MMEL1: variants seen among roughly 807,000 people sequenced by gnomAD.
The protein encoded by MMEL1 is membrane metalloendopeptidase like 1, also known as membrane metallo-endopeptidase-like 1.
MMEL1 carries 98 observed loss-of-function variants against 117.1 expected under a neutral mutation model. The observed-to-expected ratio is 0.84, with a 90% confidence interval of 0.71 to 0.99. The LOEUF (loss-of-function observed/expected upper bound fraction) is 0.99, where lower values mean the gene tolerates loss of function less well. MMEL1 is among the 50% of genes least tolerant of loss of function. The probability of loss-of-function intolerance (pLI) is 0.00; values close to 1 mark genes in which losing one functional copy is unlikely to be tolerated. For synonymous variants in MMEL1, 390 were observed against 415.1 expected, an observed-to-expected ratio of 0.94 and a Z score of 0.74; for missense variants, 1,014 against 1,049.1, an observed-to-expected ratio of 0.97 and a Z score of 0.46.
rs769014482 is a variant in MMEL1, at chr1:2,592,025, G to T, written c.2070C>A (p.Ala690=). The change falls in exon 22 of 24, where the codon GCC becomes GCA. Residue 690 remains alanine, a splice_region_variant and synonymous_variant. Coordinates refer to ENST00000378412, the MANE Select transcript of MMEL1 (RefSeq NM_033467.4). ...CACCCTCTGCCATCCACTTGAGGTA[G>T]GCCTGCAGGCACCAGACAGGAGCTG... is the stretch of plus-strand genomic sequence containing the variant. The part of the protein sequence containing the change: ...DNGGVRQAYK[A]YLKWMAEGGK... 5.0e-6 allele frequency: 8 copies of T among 1,612,840 alleles called. No individual in the cohort carries two copies. In the East Asian group the frequency reaches 1.6e-4, roughly 31 times the overall value.
At position 2,593,815 on chromosome 1, in the gene MMEL1, A is replaced by G. The variant is rs1445061283; in HGVS notation, c.1866T>C (p.Asn622=). The change falls in exon 19 of 24, where the codon AAT becomes AAC. Residue 622 remains asparagine (N), a splice_region_variant and synonymous_variant. Coordinates refer to ENST00000378412, the MANE Select transcript of MMEL1 (RefSeq NM_033467.4). Reference sequence around the variant, plus strand: ...GTGATTGGAGGGGCGGCCGCTCACCATTGTCGTCAAAGCCGTGCGTGATCT... The same window carrying G: ...GTGATTGGAGGGGCGGCCGCTCACCGTTGTCGTCAAAGCCGTGCGTGATCT... ...GHEITHGFDD[N]GRNFDKNGNM... 7.5e-6 allele frequency: 12 copies of G among 1,601,352 alleles called. No individual in the cohort carries two copies. The highest frequency in any genetic ancestry group is 1.7e-5 in the Admixed American group (1 of 58,908).
Position 2,612,515 on chromosome 1 carries a change from G to T in MMEL1, c.155-311C>A, listed in dbSNP as rs1557546987. On this transcript the variant is annotated intron_variant, in intron 2 of 23. Transcript: ENST00000378412. This position sits in a 1 kb window ranked among gnomAD's most constrained non-coding sequence, Gnocchi z 5.4. The stretch of plus-strand genomic sequence containing the variant: ...TGCCAGGGCCTAGAGGGGTCCTGAG[G>T]TGAGACCTTCCTCTTCCCGACAGCC... Among the ~76,000 whole-genome samples, 2 of 152,148 alleles carry T rather than the reference G, an allele frequency of 1.3e-5. No individual in the cohort carries two copies. Among genetic ancestry groups the T allele is most frequent in the Non-Finnish European group, 2.9e-5 (2 of 68,008 alleles).
rs913167640 is a variant in MMEL1 at position 2,612,041 on chromosome 1, C to T, written c.232+86G>A. On this transcript the variant is annotated intron_variant, in intron 3 of 23. Coordinates refer to ENST00000378412, the MANE Select transcript of MMEL1 (RefSeq NM_033467.4). This position sits in a 1 kb window ranked among gnomAD's most constrained non-coding sequence, Gnocchi z 5.4. ...CACATGAGGGTTGGGCAGAACCCAG[C>T]CCCTGCCCCTCCACGGAGTCCCCCC... 3 of 1,183,238 alleles carry T rather than the reference C, an allele frequency of 2.5e-6. No homozygotes were observed. Among genetic ancestry groups the T allele is most frequent in the Admixed American group, 2.0e-5 (1 of 49,920 alleles). The allele number at this position is 1,183,238 out of a possible 1,614,324, so 73.3% of individuals were successfully genotyped here. A position where few individuals can be genotyped will look rare whatever the true frequency, so the allele number is the denominator to read the frequency against.
Position 2,593,940 on chromosome 1 carries a change from C to T in MMEL1, c.1748-7G>A. On this transcript the variant is annotated splice_polypyrimidine_tract_variant and splice_region_variant and intron_variant, in intron 18 of 23. Transcript: ENST00000378412. The stretch of plus-strand genomic sequence containing the variant: ...AGGATCCCGGCAGGGAATACTGTCC[C>T]CAAGGGCGGGACAAAGAATAAGCTG... The T allele has an allele frequency of 1.3e-6, 2 of 1,595,382 alleles. No individual in the cohort carries two copies. Among genetic ancestry groups the T allele is most frequent in the Middle Eastern group, 1.7e-4 (1 of 5,954 alleles).
At chr1:2,611,391 A>T in intron 3 of MMEL1, 51 bp from the exon 4 acceptor site, 1 of 1,128,476 alleles carries the variant, frequency 8.9e-7, no homozygotes, top group Non-Finnish European at 1.1e-6. Context: ...AGGGTGGGGC[A>T]GGACTGGAGT....
intron 21 of MMEL1, among the ~76,000 whole-genome samples, chr1:2,592,384 T>G (rs1285069068): frequency 9.7e-5 from 3 of 30,852 alleles, no homozygotes; most frequent in African/African-American, 5.3e-4. Flanking sequence ...TGGCACCCCC[T>G]CCCCTGCCGC....
In MMEL1 at chr1:2,591,548, G is replaced by C; in HGVS notation, c.2240+9C>G. On this transcript the variant is annotated intron_variant, in intron 23 of 23. Coordinates refer to ENST00000378412, the MANE Select transcript of MMEL1 (RefSeq NM_033467.4). ...GGTGGCAAGGGGGTTGTGAGCATGG[G>C]AGACTTGCCTGTACTTCAGGGGACT... 1 of 1,613,090 alleles carries C rather than the reference G, an allele frequency of 6.2e-7. No individual in the cohort carries two copies. The highest frequency in any genetic ancestry group is 8.5e-7 in the Non-Finnish European group (1 of 1,179,244).
intron 10 of MMEL1, 25 bp downstream of exon 10, chr1:2,604,122 T>TCGCC: frequency 1.5e-6 from 2 of 1,357,432 alleles, no homozygotes; most frequent in Non-Finnish European, 2.1e-6. Context: ...CGCTGCCCGC[T>TCGCC]CCCCACCCGC....
rs971646328 is a variant in MMEL1 at position 2,612,966 on chromosome 1, A to G, written c.155-762T>C. Reference sequence around the variant, plus strand: ...TGGAAGGAGGGAACAGGGCTCGTTCAGGTCAGGGCTGTTGGCAGGCCTGGA... The same window carrying G: ...TGGAAGGAGGGAACAGGGCTCGTTCGGGTCAGGGCTGTTGGCAGGCCTGGA... On this transcript the variant is annotated intron_variant, in intron 2 of 23. Transcript: ENST00000378412. The surrounding 1 kb of genome is among the most constrained non-coding windows in gnomAD (Gnocchi z 5.4). Among the ~76,000 whole-genome samples, 1 of 152,200 alleles carries G rather than the reference A, an allele frequency of 6.6e-6. No homozygotes were observed. Among genetic ancestry groups the G allele is most frequent in the Non-Finnish European group, 1.5e-5 (1 of 68,030 alleles).
chr1:2,593,914 G>A lies in MMEL1; in HGVS notation c.1767C>T (p.Leu589=), dbSNP rs763386645. The A allele has an allele frequency of 2.4e-5, 38 of 1,610,040 alleles. No individual in the cohort carries two copies. Among genetic ancestry groups the A allele is most frequent in the Non-Finnish European group, 3.0e-5 (35 of 1,178,152 alleles). Residue 589 remains leucine (L), a synonymous_variant, in exon 19 of 24, where the codon CTC becomes CTT. Transcript: ENST00000378412. ...GCTCCTTGCTGAAGAAGGGGGGCTG[G>A]AGGATCCCGGCAGGGAATACTGTCC... ...RNQIVFPAGI[L]QPPFFSKEQP... is the part of the protein sequence containing the mutation.
chr1:2,595,646 C>T lies in MMEL1; in HGVS notation c.1501-287G>A, dbSNP rs555496560. On this transcript the variant is annotated intron_variant, in intron 15 of 23. Coordinates refer to ENST00000378412, the MANE Select transcript of MMEL1 (RefSeq NM_033467.4). The surrounding 1 kb of genome is among the most constrained non-coding windows in gnomAD (Gnocchi z 4.8). ...GGGCAGGGGCCCTGGAGGGGTCACT[C>T]GGCTGCCGTCTGTCACTTGGGTCCA... 4.2e-3 allele frequency among the ~76,000 whole-genome samples: 642 copies of T among 152,230 alleles called. 1 individual carries two copies. Among genetic ancestry groups the T allele is most frequent in the Middle Eastern group, 0.01 (3 of 294 alleles).
chr1:2,613,894 G>A (rs957499751), intron 2 of MMEL1, among the ~76,000 whole-genome samples: 6 of 152,212 alleles, frequency 3.9e-5, no homozygotes, highest in African/African-American at 1.4e-4. Context: ...AAAACTATGA[G>A]CTACATACTG....
At chr1:2,621,516 T>C (rs115445228) in intron 2 of MMEL1, among the ~76,000 whole-genome samples, 75 of 152,232 alleles carry the variant, frequency 4.9e-4, no homozygotes, top group African/African-American at 1.7e-3. Context: ...AATCTACCTG[T>C]GATGTGGAAG....
intron 11 of MMEL1, among the ~76,000 whole-genome samples, chr1:2,600,168 A>G (rs1241754873): frequency 6.6e-6 from 1 of 151,920 alleles, no homozygotes; most frequent in Non-Finnish European, 1.5e-5. Context: ...GGGTTTCACC[A>G]TGTTGGCCAG....
At chr1:2,608,361 G>A (rs1645063564) in intron 6 of MMEL1, among the ~76,000 whole-genome samples, 1 of 152,062 alleles carries the variant, frequency 6.6e-6, no homozygotes, top group Non-Finnish European at 1.5e-5. Flanking sequence ...CTGGGCCGGG[G>A]GTGCTCCAAG....
chr1:2,625,653 C>T (rs951505663), intron 2 of MMEL1, among the ~76,000 whole-genome samples: 5 of 152,216 alleles, frequency 3.3e-5, no homozygotes, highest in African/African-American at 1.2e-4. Context: ...GGAAAGTGAA[C>T]GTTTGACTAC....
chr1:2,592,816 C>G lies in MMEL1; in HGVS notation c.2001+17G>C, dbSNP rs755533454. 70 of 1,613,050 alleles carry G rather than the reference C, an allele frequency of 4.3e-5. No individual in the cohort carries two copies. The highest frequency in any genetic ancestry group is 5.8e-5 in the Non-Finnish European group (69 of 1,179,660). On this transcript the variant is annotated intron_variant, in intron 20 of 23. Coordinates refer to ENST00000378412, the MANE Select transcript of MMEL1 (RefSeq NM_033467.4). ...CTCCGGTACCCCCGCAGCCTGGGTG[C>G]TGGTGGCAGCGCTCACGTTCTGTTC... is the stretch of plus-strand genomic sequence containing the variant.
chr1:2,624,493 C>T (rs1174908069), intron 2 of MMEL1, among the ~76,000 whole-genome samples: 1 of 152,148 alleles, frequency 6.6e-6, no homozygotes, highest in African/African-American at 2.4e-5. Flanking sequence ...TATACCATTT[C>T]AAAAAGACTC....
rs147615352 is a variant in MMEL1 at position 2,612,436 on chromosome 1, C to T, written c.155-232G>A. ...CTTGAATGGGGGGCGGTTTGCCCTGCCTTGCCAGCCCCACCCTTTAATTCT... is the reference window on the plus strand; with the variant it reads ...CTTGAATGGGGGGCGGTTTGCCCTGTCTTGCCAGCCCCACCCTTTAATTCT... On this transcript the variant is annotated intron_variant, in intron 2 of 23. Transcript: ENST00000378412. The surrounding 1 kb of genome is among the most constrained non-coding windows in gnomAD (Gnocchi z 5.4). Among the ~76,000 whole-genome samples the T allele has an allele frequency of 0.014, 2,092 of 152,252 alleles. 22 individuals are homozygous for T. Among genetic ancestry groups the T allele is most frequent in the Admixed American group, 0.024 (363 of 15,312 alleles).
Sources: gnomAD v4.1 joint callset for allele counts (sites outside exome capture counted in the v4.1 genomes callset) on GRCh38, gnomAD v4.1.1 for gene constraint, Gnocchi (gnomAD v3.1) non-coding constraint, MANE v1.5 for transcripts, NCBI Gene and HGNC (gene_info 2026-07-23, HGNC 2026-07-21) for gene names.